PEX3: variants seen among roughly 807,000 people sequenced by gnomAD.
PEX3 encodes peroxin-3.
In PEX3, 30 loss-of-function variants were observed where a neutral mutation model predicts 55.8. That is an observed-to-expected ratio of 0.54 (90% CI 0.40 to 0.73). The LOEUF is 0.73. Among genes scored for constraint, PEX3 ranks in the 30% least tolerant of loss-of-function variants. The probability of loss-of-function intolerance (pLI) is 0.00; values close to 1 mark genes in which losing one functional copy is unlikely to be tolerated. For synonymous variants in PEX3, 135 were observed against 148.4 expected (o/e 0.91, Z 0.66); for missense variants, 351 against 432.8 (o/e 0.81, Z 1.68).
chr6:143,490,589 C>A lies in PEX3; in HGVS notation c.*1363C>A. ...TCTTCACCAAGGGATATGGATTTGG[C>A]TTAATAAAACCTGATTTGAAAACAA... On this transcript the variant is annotated 3_prime_UTR_variant, in exon 12 of 12. Coordinates refer to ENST00000367591, the MANE Select transcript of PEX3 (RefSeq NM_003630.3). This position sits in a 1 kb window ranked among gnomAD's most constrained non-coding sequence, Gnocchi z 6.0. The A allele has an allele frequency of 1.0e-6, 1 of 955,918 alleles. No homozygotes were observed. Among genetic ancestry groups the A allele is most frequent in the Non-Finnish European group, 1.5e-6 (1 of 683,786 alleles). 59.2% of individuals were successfully genotyped at this position (955,918 alleles called of 1,614,324 possible). A position where few individuals can be genotyped will look rare whatever the true frequency, so the allele number is the denominator to read the frequency against.
At chr6:143,481,924 T>C (rs563615691) in intron 10 of PEX3, among the ~76,000 whole-genome samples, 249 of 151,994 alleles carry the variant, frequency 1.6e-3, no homozygotes, top group African/African-American at 5.6e-3. Context: ...GCTATGATCA[T>C]GCCACTGTAC....
At chr6:143,460,758 G>A (rs1198870868) in intron 2 of PEX3, among the ~76,000 whole-genome samples, 1 of 151,936 alleles carries the variant, frequency 6.6e-6, no homozygotes, top group Non-Finnish European at 1.5e-5. Context: ...CAACTACTTG[G>A]GAGGCTGAGG....
rs1254299685 is a variant in PEX3 at position 143,485,885 on chromosome 6, C to T, written c.1038+637C>T. On this transcript the variant is annotated intron_variant, in intron 11 of 11. Coordinates refer to ENST00000367591, the MANE Select transcript of PEX3 (RefSeq NM_003630.3). The surrounding 1 kb of genome is among the most constrained non-coding windows in gnomAD (Gnocchi z 5.6). ...TCTGAGTCATGTGCAAACTTGGAAA[C>T]TGTGTTATAAGTTAAAAAATTGTTT... Among the ~76,000 whole-genome samples, 1 of 152,056 alleles carries T rather than the reference C, an allele frequency of 6.6e-6. No individual in the cohort carries two copies. Among genetic ancestry groups the T allele is most frequent in the Non-Finnish European group, 1.5e-5 (1 of 67,992 alleles).
intron 10 of PEX3, among the ~76,000 whole-genome samples, chr6:143,481,394 A>G (rs1033616125): frequency 6.6e-6 from 1 of 152,022 alleles, no homozygotes; most frequent in African/African-American, 2.4e-5. Flanking sequence ...AATACGTACT[A>G]GTATTCTTCA....
rs777728453 is a variant in PEX3, at chr6:143,470,940, GC to G, written c.332-20del. The G allele has an allele frequency of 6.2e-7, 1 of 1,605,362 alleles. No individual in the cohort carries two copies. Among genetic ancestry groups the G allele is most frequent in the Admixed American group, 1.7e-5 (1 of 59,978 alleles). Reference sequence around the variant, plus strand: ...ATTTGTATTAATCACAGTACCAAATGCTTTTCTTTTCTCTGTGAAGGTTTCA... The same window carrying G: ...ATTTGTATTAATCACAGTACCAAATGTTTTCTTTTCTCTGTGAAGGTTTCA... On this transcript the variant is annotated intron_variant, in intron 4 of 11. Coordinates refer to ENST00000367591, the MANE Select transcript of PEX3 (RefSeq NM_003630.3).
chr6:143,477,184 A>G (rs1780165076), intron 9 of PEX3, among the ~76,000 whole-genome samples: 1 of 152,210 alleles, frequency 6.6e-6, no homozygotes, highest in Non-Finnish European at 1.5e-5. Flanking sequence ...GACCAAGCAC[A>G]GACAACTGTT....
intron 10 of PEX3, among the ~76,000 whole-genome samples, chr6:143,480,656 A>G (rs1780222564): frequency 6.6e-6 from 1 of 152,174 alleles, no homozygotes; most frequent in South Asian, 2.1e-4. Context: ...ATTGAACCCT[A>G]GAAACATTTC....
intron 9 of PEX3, among the ~76,000 whole-genome samples, chr6:143,477,227 A>G (rs768844734): frequency 6.6e-6 from 1 of 152,156 alleles, no homozygotes. Flanking sequence ...TCTGAGAAAT[A>G]GACAGTATTT....
chr6:143,474,714 G>T (rs1780127593), intron 8 of PEX3, 72 bp from the exon 9 acceptor site: 2 of 834,996 alleles, frequency 2.4e-6, no homozygotes. Context: ...CTTTATTTAT[G>T]AATGTGATTA....
intron 8 of PEX3, among the ~76,000 whole-genome samples, chr6:143,473,485 G>T (rs139451077): frequency 1.4e-3 from 207 of 152,242 alleles, no homozygotes; most frequent in Non-Finnish European, 2.5e-3. Flanking sequence ...AGAGAGAAAT[G>T]ATGGACCAGA....
rs780566467 is a variant in PEX3, at chr6:143,471,375, T to A, written c.457-8T>A. 2.5e-6 allele frequency: 4 copies of A among 1,588,018 alleles called. No individual in the cohort carries two copies. In the East Asian group the frequency reaches 9.0e-5, roughly 36 times the overall value. On this transcript the variant is annotated splice_polypyrimidine_tract_variant and splice_region_variant and intron_variant, in intron 5 of 11. Coordinates refer to ENST00000367591, the MANE Select transcript of PEX3 (RefSeq NM_003630.3). This position sits in a 1 kb window ranked among gnomAD's most constrained non-coding sequence, Gnocchi z 5.4. ...TGGATAATTGAACTGTATTTCTGTT[T>A]TATACAGACAATTCTTGCTCCCCCA...
chr6:143,484,682 C>T (rs1055918620), intron 10 of PEX3, among the ~76,000 whole-genome samples: 2 of 152,064 alleles, frequency 1.3e-5, no homozygotes, highest in African/African-American at 4.8e-5. Flanking sequence ...CAGATACATT[C>T]ATACCCTTTG....
intron 8 of PEX3, 54 bp from the exon 9 acceptor site, chr6:143,474,732 C>T (rs1780127927): frequency 1.1e-6 from 1 of 896,622 alleles, no homozygotes; most frequent in African/African-American, 1.6e-5. Context: ...TTAGTTTCAT[C>T]ATAACCCTGT....
intron 2 of PEX3, among the ~76,000 whole-genome samples, chr6:143,460,257 G>A (rs907339935): frequency 2.0e-5 from 3 of 152,184 alleles, no homozygotes; most frequent in East Asian, 3.9e-4. Context: ...AATTACAATT[G>A]GAGTATGATT....
At chr6:143,461,245 A>G (rs1241480219) in intron 2 of PEX3, among the ~76,000 whole-genome samples, 3 of 152,206 alleles carry the variant, frequency 2.0e-5, no homozygotes, top group East Asian at 1.9e-4. Flanking sequence ...TACTGTGCCC[A>G]TACAAGCAGT....
intron 2 of PEX3, among the ~76,000 whole-genome samples, chr6:143,460,903 G>T (rs987307954): frequency 2.0e-5 from 3 of 151,904 alleles, no homozygotes; most frequent in Non-Finnish European, 2.9e-5. Flanking sequence ...TAGCTGCTGG[G>T]GTCTTAAAAT....
chr6:143,467,265 T>G (rs1213861933), intron 3 of PEX3, among the ~76,000 whole-genome samples: 1 of 152,076 alleles, frequency 6.6e-6, no homozygotes, highest in Non-Finnish European at 1.5e-5. Flanking sequence ...TGAGATTAAG[T>G]TAAAAACCTT....
intron 8 of PEX3, among the ~76,000 whole-genome samples, chr6:143,474,267 G>T (rs914959672): frequency 2.6e-5 from 4 of 151,978 alleles, no homozygotes; most frequent in Non-Finnish European, 5.9e-5. Context: ...GACCAATATG[G>T]TGAAACCCTG....
At chr6:143,478,114 A>G (rs898506353) in intron 9 of PEX3, among the ~76,000 whole-genome samples, 1 of 152,186 alleles carries the variant, frequency 6.6e-6, no homozygotes, top group Non-Finnish European at 1.5e-5. Context: ...CCACTGATAC[A>G]TGCTACAGCA....
Sources: gnomAD v4.1 joint callset for allele counts (sites outside exome capture counted in the v4.1 genomes callset) on GRCh38, gnomAD v4.1.1 for gene constraint, Gnocchi (gnomAD v3.1) non-coding constraint, MANE v1.5 for transcripts, NCBI Gene and HGNC (gene_info 2026-07-23, HGNC 2026-07-21) for gene names.